TRIO: variants seen among roughly 807,000 people sequenced by gnomAD.
TRIO encodes triple functional domain protein.
TRIO carries 58 observed loss-of-function variants against 351.9 expected under a neutral mutation model. That is an observed-to-expected ratio of 0.16 (90% CI 0.13 to 0.21). The LOEUF is 0.21. Among genes scored for constraint, TRIO ranks in the 10% least tolerant of loss-of-function variants. The pLI is 1.00. For synonymous variants in TRIO, 1,758 were observed against 1,595.7 expected, an observed-to-expected ratio of 1.10 and a Z score of -2.42; for missense variants, 3,201 against 4,027.8, an observed-to-expected ratio of 0.79 and a Z score of 5.56.
intron 13 of TRIO, among the ~76,000 whole-genome samples, chr5:14,360,261 C>T (rs1304670121): frequency 6.6e-6 from 1 of 152,188 alleles, no homozygotes; most frequent in East Asian, 1.9e-4. Context: ...TTTTATCTTT[C>T]TTCAACAAAA....
At chr5:14,309,664 G>T (rs771521961) in intron 8 of TRIO, among the ~76,000 whole-genome samples, 1 of 152,194 alleles carries the variant, frequency 6.6e-6, no homozygotes, top group Non-Finnish European at 1.5e-5. Context: ...CAGCACTCCT[G>T]AGCTTGCTCT....
chr5:14,161,315 C>T (rs1170145450), intron 1 of TRIO, among the ~76,000 whole-genome samples: 1 of 152,248 alleles, frequency 6.6e-6, no homozygotes, highest in Non-Finnish European at 1.5e-5. Context: ...TGCTCTTGTA[C>T]CTGTACCTCT....
In TRIO at chr5:14,286,274, G is replaced by A. The variant is rs983651953; in HGVS notation, c.348-597G>A. On this transcript the variant is annotated intron_variant, in intron 3 of 56. Transcript: ENST00000344204. This position sits in a 1 kb window ranked among gnomAD's most constrained non-coding sequence, Gnocchi z 4.4. ...AAGGGTGCCAAGAACTCCCAGGGAC[G>A]GGTGGATGGTATGGAAAACCACTGA... Among the ~76,000 whole-genome samples the A allele has an allele frequency of 3.3e-5, 5 of 152,156 alleles. No individual in the cohort carries two copies. Among genetic ancestry groups the A allele is most frequent in the Non-Finnish European group, 5.9e-5 (4 of 68,010 alleles).
chr5:14,472,577 AT>A lies in TRIO; in HGVS notation c.5913-9del, dbSNP rs1214267721. 1 of 1,613,500 alleles carries A rather than the reference AT, an allele frequency of 6.2e-7. No individual in the cohort carries two copies. The highest frequency in any genetic ancestry group is 2.2e-5 in the East Asian group (1 of 44,886). On this transcript the variant is annotated splice_polypyrimidine_tract_variant and intron_variant, in intron 38 of 56. Coordinates refer to ENST00000344204, the MANE Select transcript of TRIO (RefSeq NM_007118.4). ...GAAAACAGTTTGCATGATAAACAATATTTTTTCTCTCCAGCTACGTTTTGCA... is the reference window on the plus strand; with the variant it reads ...GAAAACAGTTTGCATGATAAACAATATTTTTCTCTCCAGCTACGTTTTGCA...
At chr5:14,358,089 C>G in intron 11 of TRIO, 89 bp from the exon 12 acceptor site, 2 of 1,458,934 alleles carry the variant, frequency 1.4e-6, no homozygotes, top group Non-Finnish European at 1.8e-6. Flanking sequence ...AGTCACACAC[C>G]GTCTCCACTG....
At chr5:14,235,525 A>G (rs776075483) in intron 1 of TRIO, among the ~76,000 whole-genome samples, 1 of 152,234 alleles carries the variant, frequency 6.6e-6, no homozygotes. Context: ...AAGTGAGTTA[A>G]TAAGGCTTGG....
intron 10 of TRIO, 59 bp downstream of exon 10, chr5:14,330,959 TAC>T (rs1214004936): frequency 1.2e-6 from 2 of 1,604,314 alleles, no homozygotes; most frequent in African/African-American, 2.7e-5. Flanking sequence ...GATTTTGGAT[TAC>T]AGTTTTAACC....
intron 36 of TRIO, 93 bp downstream of exon 36, chr5:14,463,018 CAGG>C: frequency 7.1e-7 from 1 of 1,409,854 alleles, no homozygotes; most frequent in East Asian, 2.7e-5. Context: ...TTTCAGGAGA[CAGG>C]AGGCCCCAAG....
intron 1 of TRIO, among the ~76,000 whole-genome samples, chr5:14,215,035 T>G (rs1321706770): frequency 1.3e-5 from 2 of 152,230 alleles, no homozygotes; most frequent in Non-Finnish European, 2.9e-5. Context: ...TATTTGGTGT[T>G]TACCATGTGT....
intron 54 of TRIO, 70 bp downstream of exon 54, chr5:14,502,727 G>C: frequency 2.7e-6 from 4 of 1,466,258 alleles, no homozygotes; most frequent in African/African-American, 1.4e-5. Flanking sequence ...AGAGTGCAGG[G>C]ATAAAGCTAA....
intron 33 of TRIO, among the ~76,000 whole-genome samples, chr5:14,415,551 C>T (rs376308087): frequency 2.0e-5 from 3 of 152,142 alleles, no homozygotes; most frequent in Non-Finnish European, 2.9e-5. Flanking sequence ...TAACTGCGTT[C>T]GTGCAAGACA....
intron 1 of TRIO, among the ~76,000 whole-genome samples, chr5:14,216,141 A>T (rs1487119229): frequency 6.6e-6 from 1 of 152,188 alleles, no homozygotes; most frequent in African/African-American, 2.4e-5. Context: ...TCAGATTGTG[A>T]TGGGGACTCA....
Position 14,368,768 on chromosome 5 carries a change from C to T in TRIO, c.2935C>T (p.His979Tyr), listed in dbSNP as rs1358386000. The stretch of plus-strand genomic sequence containing the variant: ...GGCAGAAGCCATGCTACAGGCCAAC[C>T]ACTACGACATGGACATGATCCGGGA... Reference protein sequence around the residue: ...QKAEAMLQANHYDMDMIRDCA... With the variant: ...QKAEAMLQANYYDMDMIRDCA... Residue 979 changes from histidine to tyrosine, a missense_variant, in exon 17 of 57, where the codon CAC (histidine) becomes TAC (tyrosine). By Grantham distance (83) the His-to-Tyr change is moderately conservative. This residue lies in a region of TRIO where 363 missense variants were observed against 553.5 expected (regional missense o/e 0.66). Coordinates refer to ENST00000344204, the MANE Select transcript of TRIO (RefSeq NM_007118.4). 6.2e-7 allele frequency: 1 copy of T among 1,614,094 alleles called. No individual in the cohort carries two copies. The highest frequency in any genetic ancestry group is 8.5e-7 in the Non-Finnish European group (1 of 1,180,034).
At chr5:14,222,117 A>G (rs1347483457) in intron 1 of TRIO, among the ~76,000 whole-genome samples, 3 of 151,126 alleles carry the variant, frequency 2.0e-5, no homozygotes, top group Admixed American at 2.0e-4. Context: ...CTGAAGGCTC[A>G]GATGATGTTA....
intron 1 of TRIO, among the ~76,000 whole-genome samples, chr5:14,207,541 C>CACAT (rs1791618238): frequency 6.7e-6 from 1 of 150,040 alleles, no homozygotes; most frequent in African/African-American, 2.5e-5. Context: ...CACACACACA[C>CACAT]ACACACACAC....
chr5:14,166,153 T>G (rs944118699), intron 1 of TRIO, among the ~76,000 whole-genome samples: 1 of 151,754 alleles, frequency 6.6e-6, no homozygotes, highest in Non-Finnish European at 1.5e-5. Context: ...CGGTGGAGAG[T>G]CTGTTGGATT....
intron 1 of TRIO, among the ~76,000 whole-genome samples, chr5:14,144,552 G>A (rs1425205348): frequency 6.6e-6 from 1 of 152,116 alleles, no homozygotes; most frequent in Non-Finnish European, 1.5e-5. Flanking sequence ...CTCCGGGGAC[G>A]ACCCGGGAGG....
chr5:14,446,116 C>T (rs1310313922), intron 34 of TRIO, among the ~76,000 whole-genome samples: 1 of 152,218 alleles, frequency 6.6e-6, no homozygotes, highest in African/African-American at 2.4e-5. Flanking sequence ...TTGCTTTGTT[C>T]CTGCCTGGAA....
chr5:14,286,388 AT>A lies in TRIO; in HGVS notation c.348-479del, dbSNP rs1736445557. ...TTGCCAGCCATGCTAGTGGGGGGTC[AT>A]TTTCAGCACCTGGGGTGCTGGGAGT... On this transcript the variant is annotated intron_variant, in intron 3 of 56. Coordinates refer to ENST00000344204, the MANE Select transcript of TRIO (RefSeq NM_007118.4). This position sits in a 1 kb window ranked among gnomAD's most constrained non-coding sequence, Gnocchi z 4.4. Among the ~76,000 whole-genome samples, 1 of 152,040 alleles carries A rather than the reference AT, an allele frequency of 6.6e-6. No individual in the cohort carries two copies. Among genetic ancestry groups the A allele is most frequent in the Non-Finnish European group, 1.5e-5 (1 of 68,016 alleles).
Sources: allele counts gnomAD v4.1 joint callset (sites outside exome capture counted in the v4.1 genomes callset), GRCh38; gene constraint gnomAD v4.1.1; regional missense constraint gnomAD v4.1.1; non-coding constraint Gnocchi (gnomAD v3.1); transcripts MANE v1.5; gene names NCBI Gene and HGNC (gene_info 2026-07-23, HGNC 2026-07-21).